Variants in GPAM observed in about 807,000 individuals in gnomAD.
The protein encoded by GPAM is glycerol-3-phosphate acyltransferase 1, mitochondrial.
In GPAM, 56 loss-of-function variants were observed where a neutral mutation model predicts 105.0. That is an observed-to-expected ratio of 0.53 (90% confidence interval 0.43 to 0.67). GPAM has a LOEUF of 0.67. Among genes scored for constraint, GPAM ranks in the 30% least tolerant of loss-of-function variants. GPAM has a pLI of 0.00. For missense variants in GPAM, 855 were observed against 989.8 expected (o/e 0.86, Z 1.83); for synonymous variants, 368 against 354.4 (o/e 1.04, Z -0.43).
intron 2 of GPAM, among the ~76,000 whole-genome samples, chr10:112,182,139 T>TATCCAAACAAAATAGC (rs1847520741): frequency 6.6e-6 from 1 of 152,170 alleles, no homozygotes; most frequent in South Asian, 2.1e-4. Flanking sequence ...AACAAAATAG[T>TATCCAAACAAAATAGC]ATCCAAACAA....
At chr10:112,161,021 G>GA (rs1262708098) in intron 15 of GPAM, among the ~76,000 whole-genome samples, 153 bp from the exon 16 acceptor site, 1 of 152,150 alleles carries the variant, frequency 6.6e-6, no homozygotes, top group Non-Finnish European at 1.5e-5. Flanking sequence ...AATGCAGAGC[G>GA]AGTCAGAAAA....
intron 1 of GPAM, among the ~76,000 whole-genome samples, chr10:112,191,801 C>T (rs556771222): frequency 3.5e-4 from 53 of 152,070 alleles, no homozygotes; most frequent in Non-Finnish European, 5.9e-4. Flanking sequence ...CAGAATGGCT[C>T]GGCATTGAGA....
At chr10:112,153,803 A>C in intron 21 of GPAM, 137 bp from the exon 22 acceptor site, 1 of 848,440 alleles carries the variant, frequency 1.2e-6, no homozygotes, top group Non-Finnish European at 1.8e-6. Flanking sequence ...CATTAAGTAA[A>C]TGTATGCCTG....
intron 1 of GPAM, among the ~76,000 whole-genome samples, chr10:112,208,934 G>T (rs1395081592): frequency 2.0e-5 from 3 of 152,176 alleles, no homozygotes; most frequent in Non-Finnish European, 4.4e-5. Flanking sequence ...CTGGAATGTG[G>T]GTGCCATGAA....
chr10:112,211,550 G>A (rs1235722089), intron 1 of GPAM, among the ~76,000 whole-genome samples: 1 of 152,176 alleles, frequency 6.6e-6, no homozygotes, highest in Non-Finnish European at 1.5e-5. Context: ...TAGGTCCTCT[G>A]TTCTTTTTCT....
At chr10:112,187,424 CAT>C (rs967122807), upstream of GPAM, among the ~76,000 whole-genome samples, 4 of 151,970 alleles carry the variant, frequency 2.6e-5, no homozygotes, top group Non-Finnish European at 4.4e-5. Context: ...ATATTAATAT[CAT>C]ATAATTTCAA....
chr10:112,203,293 A>T (rs1847820418), intron 1 of GPAM, among the ~76,000 whole-genome samples: 1 of 152,242 alleles, frequency 6.6e-6, no homozygotes, highest in Non-Finnish European at 1.5e-5. Context: ...ACAAGCCTCC[A>T]AAAAAGATTC....
At chr10:112,157,453 G>A in intron 18 of GPAM, 64 bp from the exon 19 acceptor site, 1 of 1,481,676 alleles carries the variant, frequency 6.7e-7, no homozygotes, top group Non-Finnish European at 9.4e-7. Flanking sequence ...CTGCCCAGTG[G>A]AGCCAGGACA....
upstream of GPAM, among the ~76,000 whole-genome samples, chr10:112,185,404 GA>G (rs2133275401): frequency 6.7e-6 from 1 of 150,166 alleles, no homozygotes; most frequent in East Asian, 2.0e-4. Context: ...AGGACATTAA[GA>G]AAGTAATTAT....
chr10:112,154,808 G>T, intron 20 of GPAM, 121 bp from the exon 21 acceptor site: 1 of 844,486 alleles, frequency 1.2e-6, no homozygotes, highest in Non-Finnish European at 2.0e-6. Context: ...CAGCAGACAA[G>T]GGTGGGGCCC....
At chr10:112,216,185 T>C (rs772826123), upstream of GPAM, among the ~76,000 whole-genome samples, 8 of 152,252 alleles carry the variant, frequency 5.3e-5, no homozygotes, top group Non-Finnish European at 1.0e-4. Context: ...AGGGTCTTGA[T>C]ATATTAGAGC....
chr10:112,166,261 C>A, intron 12 of GPAM, 141 bp downstream of exon 12: 1 of 681,290 alleles, frequency 1.5e-6, no homozygotes, highest in South Asian at 1.6e-5. Flanking sequence ...TAGGCAACAC[C>A]ACCTTTATCA....
chr10:112,225,555 G>A, the GPAM span, among the ~76,000 whole-genome samples: 3 of 152,124 alleles, frequency 2.0e-5, no homozygotes, highest in Non-Finnish European at 4.4e-5. Context: ...GAATATTCTG[G>A]GGACTCATGG....
At chr10:112,166,021 T>C (rs2133242313) in intron 12 of GPAM, among the ~76,000 whole-genome samples, 1 of 152,266 alleles carries the variant, frequency 6.6e-6, no homozygotes, top group Non-Finnish European at 1.5e-5. Context: ...TTGGGAATAT[T>C]ACAATTCTTC....
chr10:112,187,284 G>A (rs1037490120), upstream of GPAM, among the ~76,000 whole-genome samples: 4 of 151,664 alleles, frequency 2.6e-5, no homozygotes, highest in African/African-American at 7.3e-5. Context: ...TTGTCAGACT[G>A]GAAAAAAAAT....
chr10:112,151,107 A>C lies in GPAM; in HGVS notation c.*2443T>G, dbSNP rs185043360. 2,038 of 979,282 alleles carry C rather than the reference A, an allele frequency of 2.1e-3. No individual in the cohort carries two copies. The highest frequency in any genetic ancestry group is 2.4e-3 in the Non-Finnish European group (1,940 of 824,850). The allele number at this position is 979,282 out of a possible 1,614,324, so 60.7% of individuals were successfully genotyped here. On this transcript the variant is annotated 3_prime_UTR_variant, in exon 22 of 22. Transcript: ENST00000348367. The stretch of plus-strand genomic sequence containing the variant: ...AACAGACTGCAGTTTCATGTTGTTT[A>C]ATATTGTTTTTTTTTTTTAACTTGA...
chr10:112,176,051 A>G (rs1285124504), intron 5 of GPAM, among the ~76,000 whole-genome samples: 1 of 152,238 alleles, frequency 6.6e-6, no homozygotes, highest in African/African-American at 2.4e-5. Flanking sequence ...TATATAAGCT[A>G]TATCTATTCT....
chr10:112,168,909 G>T lies in GPAM; in HGVS notation c.838C>A (p.Leu280Ile). ...KLGGFFIRRR[L>I]DETPDGRKDV... The stretch of plus-strand genomic sequence containing the variant: ...TTCCGTCCATCTGGTGTTTCATCGA[G>T]CCTTCGTCGTATGAAGAAGCCCCCA... Residue 280 changes from leucine (L) to isoleucine (I), a missense_variant, in exon 10 of 22, where the codon CTC becomes ATC. Leu to Ile is a conservative substitution (Grantham distance 5). Coordinates refer to ENST00000348367, the MANE Select transcript of GPAM (RefSeq NM_001244949.2). 1 of 1,612,174 alleles carries T rather than the reference G, an allele frequency of 6.2e-7. No individual in the cohort carries two copies.
intron 1 of GPAM, among the ~76,000 whole-genome samples, chr10:112,199,240 G>A (rs532944540): frequency 2.0e-5 from 3 of 152,222 alleles, no homozygotes; most frequent in East Asian, 3.9e-4. Context: ...ACAGGCATAA[G>A]CCACTGCGCC....
Sources: gnomAD v4.1 joint callset for allele counts (sites outside exome capture counted in the v4.1 genomes callset) on GRCh38, gnomAD v4.1.1 for gene constraint, MANE v1.5 for transcripts, NCBI Gene and HGNC (gene_info 2026-07-23, HGNC 2026-07-21) for gene names.